Variants in IRX2 observed in about 807,000 individuals in gnomAD.
IRX2 encodes iroquois-class homeodomain protein IRX-2.
In IRX2, 26 loss-of-function variants were observed where a neutral mutation model predicts 42.9. That is an observed-to-expected ratio of 0.61 (90% confidence interval 0.44 to 0.84). The LOEUF (loss-of-function observed/expected upper bound fraction) is 0.84, where lower values mean the gene tolerates loss of function less well. IRX2 is among the 40% of genes least tolerant of loss of function. IRX2 has a pLI of 0.00. For synonymous variants in IRX2, 424 were observed against 353.9 expected (o/e 1.20, Z -2.22); for missense variants, 782 against 713.9 (o/e 1.10, Z -1.09).
the IRX2 span, chr5:2,736,717 A>G: frequency 6.6e-6 from 1 of 152,210 alleles, no homozygotes; most frequent in African/African-American, 2.4e-5. Context: ...TAGGATAAAT[A>G]TGTACTTTAT....
the IRX2 span, among the ~76,000 whole-genome samples, chr5:2,740,241 G>A: frequency 2.0e-5 from 3 of 152,006 alleles, no homozygotes; most frequent in South Asian, 2.1e-4. Flanking sequence ...GGCCTCCCTG[G>A]CCGTCGCTGC....
chr5:2,749,795 C>G lies in IRX2; in HGVS notation c.250-8G>C. 1 of 1,591,018 alleles carries G rather than the reference C, an allele frequency of 6.3e-7. No individual in the cohort carries two copies. Among genetic ancestry groups the G allele is most frequent in the Non-Finnish European group, 8.6e-7 (1 of 1,169,392 alleles). On this transcript the variant is annotated splice_region_variant and splice_polypyrimidine_tract_variant and intron_variant, in intron 1 of 3. Transcript: ENST00000302057. Reference sequence around the variant, plus strand: ...CGCGTCGTAGGGTGCGCCCTGGAACCAACAAGAGCCTGTGAGTGGAGTATG... The same window carrying G: ...CGCGTCGTAGGGTGCGCCCTGGAACGAACAAGAGCCTGTGAGTGGAGTATG...
At chr5:2,740,830 G>A in the IRX2 span, among the ~76,000 whole-genome samples, 1 of 152,192 alleles carries the variant, frequency 6.6e-6, no homozygotes, top group Non-Finnish European at 1.5e-5. Context: ...AGGCGACAGC[G>A]GCGACAGTGC....
chr5:2,749,549 G>A lies in IRX2; in HGVS notation c.488C>T (p.Thr163Ile), dbSNP rs899243018. 6 of 1,614,116 alleles carry A rather than the reference G, an allele frequency of 3.7e-6. No homozygotes were observed. Among genetic ancestry groups the A allele is most frequent in the Non-Finnish European group, 5.1e-6 (6 of 1,180,052 alleles). The change falls in exon 2 of 4, where the codon ACC becomes ATC. Residue 163 changes from threonine to isoleucine, a missense_variant. Coordinates refer to ENST00000302057, the MANE Select transcript of IRX2 (RefSeq NM_033267.5). The stretch of plus-strand genomic sequence containing the variant: ...GCGCCGGCGCGCGTTGGCGAACCAG[G>A]TGGAGACCTGGGTGAGGGTCATCTT... Reference protein sequence around the residue: ...ITKMTLTQVSTWFANARRRLK... With the variant: ...ITKMTLTQVSIWFANARRRLK...
At chr5:2,744,080 GT>G (rs1737605753), downstream of IRX2, among the ~76,000 whole-genome samples, 1 of 86,346 alleles carries the variant, frequency 1.2e-5, no homozygotes, top group Non-Finnish European at 2.6e-5. Context: ...AGTCGTGTGT[GT>G]GTGTGTGTGT....
chr5:2,747,622 AG>A lies in IRX2; in HGVS notation c.1364-7del. On this transcript the variant is annotated splice_polypyrimidine_tract_variant and splice_region_variant and intron_variant, in intron 3 of 3. Transcript: ENST00000302057. ...GGTGCAGCCCTCGCTGGCATCTGTC[AG>A]GGGAGTGGGCAGTTAGTCAGAACCG... 1 of 1,613,828 alleles carries A rather than the reference AG, an allele frequency of 6.2e-7. No homozygotes were observed. Among genetic ancestry groups the A allele is most frequent in the Non-Finnish European group, 8.5e-7 (1 of 1,179,884 alleles).
At chr5:2,737,030 C>T in the IRX2 span, 7 of 152,208 alleles carry the variant, frequency 4.6e-5, no homozygotes, top group East Asian at 1.9e-4. Context: ...CGGCCATCTC[C>T]GGTGGATAGA....
chr5:2,751,588 G>T lies in IRX2; in HGVS notation c.-175C>A, dbSNP rs1199415123. On this transcript the variant is annotated 5_prime_UTR_variant, in exon 1 of 4. Transcript: ENST00000302057. The surrounding 1 kb of genome is among the most constrained non-coding windows in gnomAD (Gnocchi z 4.0). ...CCGCGGGCCGGGGCGGCGGCGGGGT[G>T]GCGGTGGCGGCGGCAGCAGCGCGGA... is the stretch of plus-strand genomic sequence containing the variant. 3.4e-5 allele frequency: 7 copies of T among 203,338 alleles called. No individual in the cohort carries two copies. The East Asian group carries it at 1.2e-3, about 34-fold the overall frequency. The allele number at this position is 203,338 out of a possible 1,614,324, so 12.6% of individuals were successfully genotyped here. A position where few individuals can be genotyped will look rare whatever the true frequency, so the allele number is the denominator to read the frequency against.
the IRX2 span, among the ~76,000 whole-genome samples, chr5:2,739,322 G>GGGC: frequency 0.49 from 74,545 of 151,936 alleles, 18,610 homozygotes; most frequent in South Asian, 0.61. Context: ...CGGGTCCTGG[G>GGGC]GGCGGCGGTG....
chr5:2,751,429 C>G lies in IRX2; in HGVS notation c.-16G>C, dbSNP rs1431709247. The stretch of plus-strand genomic sequence containing the variant: ...GGTAGGACATGGTGGGCGCGGGGCG[C>G]GGGGCCCGCGTCACGCCGAGCAGCG... On this transcript the variant is annotated 5_prime_UTR_variant, in exon 1 of 4. Coordinates refer to ENST00000302057, the MANE Select transcript of IRX2 (RefSeq NM_033267.5). This position sits in a 1 kb window ranked among gnomAD's most constrained non-coding sequence, Gnocchi z 4.0. The G allele has an allele frequency of 2.8e-5, 35 of 1,265,790 alleles. No individual in the cohort carries two copies. Among genetic ancestry groups the G allele is most frequent in the Non-Finnish European group, 3.3e-5 (33 of 1,005,412 alleles). 78.4% of individuals were successfully genotyped at this position (1,265,790 alleles called of 1,614,324 possible).
chr5:2,751,363 G>T lies in IRX2; in HGVS notation c.51C>A (p.Leu17=). 7.0e-7 allele frequency: 1 copy of T among 1,429,612 alleles called. No homozygotes were observed. The highest frequency in any genetic ancestry group is 9.2e-7 in the Non-Finnish European group (1 of 1,091,412). The allele number at this position is 1,429,612 out of a possible 1,614,324, so 88.6% of individuals were successfully genotyped here. ...YLYQAPGSLA[L]YSCPAYGASA... ...ACGCGCCGTAGGCCGGGCACGAGTA[G>T]AGCGCCAGCGAGCCGGGCGCCTGGT... The change falls in exon 1 of 4, where the codon CTC becomes CTA. Residue 17 remains leucine, a synonymous_variant. Coordinates refer to ENST00000302057, the MANE Select transcript of IRX2 (RefSeq NM_033267.5). The surrounding 1 kb of genome is among the most constrained non-coding windows in gnomAD (Gnocchi z 4.0).
At chr5:2,741,671 C>T (rs1458333843), downstream of IRX2, among the ~76,000 whole-genome samples, 1 of 152,156 alleles carries the variant, frequency 6.6e-6, no homozygotes, top group African/African-American at 2.4e-5. Flanking sequence ...AATAAATTGT[C>T]AATTTATCTC....
intron 2 of IRX2, 70 bp from the exon 3 acceptor site, chr5:2,749,122 T>G (rs1737819508): frequency 1.9e-6 from 3 of 1,546,862 alleles, no homozygotes; most frequent in East Asian, 2.4e-5. Flanking sequence ...CTCCGCCCCC[T>G]GTCCTGCGGC....
chr5:2,750,538 C>G (rs1181706472), intron 1 of IRX2, among the ~76,000 whole-genome samples: 2 of 152,224 alleles, frequency 1.3e-5, no homozygotes, highest in Non-Finnish European at 2.9e-5. Flanking sequence ...TGCGCTCGGG[C>G]CACGGAGGAC....
At chr5:2,737,735 C>T in the IRX2 span, 1 of 152,294 alleles carries the variant, frequency 6.6e-6, no homozygotes, top group Non-Finnish European at 1.5e-5. Context: ...TCATTACCTG[C>T]CCTCAAACAT....
At chr5:2,738,120 G>C in the IRX2 span, among the ~76,000 whole-genome samples, 1 of 152,216 alleles carries the variant, frequency 6.6e-6, no homozygotes, top group East Asian at 1.9e-4. Flanking sequence ...CTCATTTGAG[G>C]GTCTAGCTCC....
At position 2,747,458 on chromosome 5, in the gene IRX2, G is replaced by T; in HGVS notation, c.*106C>A. 1.1e-6 allele frequency: 1 copy of T among 901,658 alleles called. No homozygotes were observed. The highest frequency in any genetic ancestry group is 1.8e-6 in the Non-Finnish European group (1 of 557,480). 55.9% of individuals were successfully genotyped at this position (901,658 alleles called of 1,614,324 possible). A position where few individuals can be genotyped will look rare whatever the true frequency, so the allele number is the denominator to read the frequency against. ...GAAATGCTCTGTCTTCTAACCCCAT[G>T]ACCAGAAGCAAGAAAAACACATTAA... On this transcript the variant is annotated 3_prime_UTR_variant, in exon 4 of 4. Transcript: ENST00000302057.
In IRX2 at chr5:2,748,619, G is replaced by T. The variant is rs377008864; in HGVS notation, c.1089C>A (p.Thr363=). ...GLPAAAAPAS[T]GAPPGGSPYP... ...AGGGCGAGCCTCCTGGCGGTGCCCC[G>T]GTTGAGGCCGGCGCGGCGGCCGCGG... Residue 363 remains threonine (T), a synonymous_variant, in exon 3 of 4, where the codon ACC becomes ACA. Transcript: ENST00000302057. The T allele has an allele frequency of 2.0e-6, 3 of 1,504,580 alleles. No homozygotes were observed. In the South Asian group the frequency reaches 3.9e-5, roughly 19 times the overall value. The allele number at this position is 1,504,580 out of a possible 1,614,324, so 93.2% of individuals were successfully genotyped here. A position where few individuals can be genotyped will look rare whatever the true frequency, so the allele number is the denominator to read the frequency against.
Position 2,748,371 on chromosome 5 carries a change from G to C in IRX2, c.1337C>G (p.Pro446Arg). The change falls in exon 3 of 4, where the codon CCG becomes CGG. Residue 446 changes from proline to arginine, a missense_variant. This residue lies in a region of IRX2 where 520 missense variants were observed against 437.8 expected (regional missense o/e 1.19). Coordinates refer to ENST00000302057, the MANE Select transcript of IRX2 (RefSeq NM_033267.5). Reference sequence around the variant, plus strand: ...TTTCTTGGGCTCGTAGCCGCCGCCCGGGGACCGGTAGTGGGACTCGAGCGG... The same window carrying C: ...TTTCTTGGGCTCGTAGCCGCCGCCCCGGGACCGGTAGTGGGACTCGAGCGG... ...AHPLESHYRS[P>R]GGGYEPKKDA... 1.4e-6 allele frequency: 2 copies of C among 1,458,186 alleles called. No individual in the cohort carries two copies. Among genetic ancestry groups the C allele is most frequent in the South Asian group, 1.4e-5 (1 of 73,588 alleles). 90.3% of individuals were successfully genotyped at this position (1,458,186 alleles called of 1,614,324 possible). A position where few individuals can be genotyped will look rare whatever the true frequency, so the allele number is the denominator to read the frequency against.
Sources: allele counts gnomAD v4.1 joint callset (sites outside exome capture counted in the v4.1 genomes callset), GRCh38; gene constraint gnomAD v4.1.1; regional missense constraint gnomAD v4.1.1; non-coding constraint Gnocchi (gnomAD v3.1); transcripts MANE v1.5; gene names NCBI Gene and HGNC (gene_info 2026-07-23, HGNC 2026-07-21).